Variants in VSTM2A observed in about 807,000 individuals in gnomAD.
The protein encoded by VSTM2A is V-set and transmembrane domain-containing protein 2A.
Under a neutral mutation model 27.3 loss-of-function variants are expected in VSTM2A, and 13 were observed. That is an observed-to-expected ratio of 0.48 (90% CI 0.31 to 0.76). The LOEUF (loss-of-function observed/expected upper bound fraction) is 0.76, where lower values mean the gene tolerates loss of function less well. Ranked by LOEUF, VSTM2A falls within the 30% of genes least tolerant of loss-of-function variation. The probability of loss-of-function intolerance (pLI) is 0.05; values close to 1 mark genes in which losing one functional copy is unlikely to be tolerated. For missense variants in VSTM2A, 280 were observed against 310.0 expected (o/e 0.90, Z 0.73); for synonymous variants, 142 against 125.7 (o/e 1.13, Z -0.87).
intron 4 of VSTM2A, among the ~76,000 whole-genome samples, chr7:54,562,900 T>C (rs373439252): frequency 6.6e-6 from 1 of 152,218 alleles, no homozygotes; most frequent in African/African-American, 2.4e-5. Flanking sequence ...TGCTAACGAA[T>C]AATGAAAGCA....
In VSTM2A at chr7:54,569,460, G is replaced by A; in HGVS notation, c.*241G>A. On this transcript the variant is annotated 3_prime_UTR_variant, in exon 5 of 5. Transcript: ENST00000402613. ...CATCAGGATAGGGAATATTTACTAT[G>A]GATACCACTAATTTCCTACTAAAGG... The A allele has an allele frequency of 3.5e-6, 2 of 574,960 alleles. No homozygotes were observed. Among genetic ancestry groups the A allele is most frequent in the Non-Finnish European group, 5.8e-6 (2 of 345,108 alleles). 35.6% of individuals were successfully genotyped at this position (574,960 alleles called of 1,614,324 possible). A position where few individuals can be genotyped will look rare whatever the true frequency, so the allele number is the denominator to read the frequency against.
chr7:54,554,019 C>T (rs749286368), intron 4 of VSTM2A: 1 of 1,553,318 alleles, frequency 6.4e-7, no homozygotes, highest in South Asian at 1.2e-5. Context: ...TCCTCTTCCC[C>T]AACCTGGCCA....
rs144985425 is a variant in VSTM2A at position 54,548,522 on chromosome 7, C to T, written c.298-1312C>T. Reference sequence around the variant, plus strand: ...CCACATGCCAGTATTTTTAATAGCACCCCAGGTGATTCTAATGTACACTCA... The same window carrying T: ...CCACATGCCAGTATTTTTAATAGCATCCCAGGTGATTCTAATGTACACTCA... On this transcript the variant is annotated intron_variant, in intron 3 of 4. Transcript: ENST00000402613. 1.4e-3 allele frequency among the ~76,000 whole-genome samples: 218 copies of T among 151,836 alleles called. 1 individual carries two copies. The highest frequency in any genetic ancestry group is 5.0e-3 in the African/African-American group (206 of 41,168).
chr7:54,553,554 G>A (rs557801005), intron 4 of VSTM2A, among the ~76,000 whole-genome samples: 1 of 152,324 alleles, frequency 6.6e-6, no homozygotes, highest in East Asian at 1.9e-4. Flanking sequence ...GTTAGAAGCA[G>A]AAGAAATGTT....
rs372073688 is a variant in VSTM2A at position 54,569,348 on chromosome 7, C to T, written c.*129C>T. 6.3e-6 allele frequency: 9 copies of T among 1,437,956 alleles called. No individual in the cohort carries two copies. Among genetic ancestry groups the T allele is most frequent in the Non-Finnish European group, 8.3e-6 (9 of 1,079,054 alleles). The allele number at this position is 1,437,956 out of a possible 1,614,324, so 89.1% of individuals were successfully genotyped here. On this transcript the variant is annotated 3_prime_UTR_variant, in exon 5 of 5. Coordinates refer to ENST00000402613, the MANE Select transcript of VSTM2A (RefSeq NM_001301009.2). ...AGAGAATTAACGTGAAGTGATAGAA[C>T]GTTTTCTAATAGCAAGATCTATTTT...
rs1310985436 is a variant in VSTM2A at position 54,569,162 on chromosome 7, G to A, written c.666G>A (p.Glu222=). 1.3e-6 allele frequency: 2 copies of A among 1,553,026 alleles called. No individual in the cohort carries two copies. ...AKSKSPVKST[E]RTAKLTLNSK... ...GCAAATCGCCTGTAAAATCTACGGA[G>A]CGGACAGCAAAGTTGACCCTAAACT... Residue 222 remains glutamate (E), a synonymous_variant, in exon 5 of 5, where the codon GAG becomes GAA. Transcript: ENST00000402613.
intron 4 of VSTM2A, among the ~76,000 whole-genome samples, chr7:54,565,677 G>A (rs1345510449): frequency 6.6e-6 from 1 of 152,268 alleles, no homozygotes; most frequent in Non-Finnish European, 1.5e-5. Context: ...CAGTCCACTG[G>A]AGGGAGGGGC....
chr7:54,542,668 C>A lies in VSTM2A; in HGVS notation c.-63C>A. On this transcript the variant is annotated 5_prime_UTR_variant, in exon 1 of 5. Transcript: ENST00000402613. ...AGACTGAGCCTGCCATCCACTCGCA[C>A]GCCTTTCTTTCAGGGCTTTTCGGCT... 3.4e-6 allele frequency: 5 copies of A among 1,478,560 alleles called. No homozygotes were observed. Among genetic ancestry groups the A allele is most frequent in the East Asian group, 2.3e-5 (1 of 44,220 alleles). 91.6% of individuals were successfully genotyped at this position (1,478,560 alleles called of 1,614,324 possible).
intron 4 of VSTM2A, among the ~76,000 whole-genome samples, chr7:54,562,742 T>C (rs1236518192): frequency 1.3e-5 from 2 of 152,166 alleles, no homozygotes; most frequent in African/African-American, 4.8e-5. Context: ...ATTCCCCAAC[T>C]TCAATACACT....
At chr7:54,556,222 A>G (rs1417171502) in intron 4 of VSTM2A, among the ~76,000 whole-genome samples, 2 of 152,224 alleles carry the variant, frequency 1.3e-5, no homozygotes, top group South Asian at 4.1e-4. Flanking sequence ...AACTGGCTGC[A>G]GTGAAGGTGG....
At chr7:54,559,944 GAAA>G (rs557080144) in intron 4 of VSTM2A, 1 of 151,686 alleles carries the variant, frequency 6.6e-6, no homozygotes, top group Non-Finnish European at 1.5e-5. Context: ...AAAAATAAAA[GAAA>G]AAAAGAAAAT....
rs1475840904 is a variant in VSTM2A at position 54,544,796 on chromosome 7, A to G, written c.246+8A>G. ...GAGGGGGCCGGCGCGCAGGTAGCGGAGCCCGCCGACCCCGCGTCTCCCCTT... is the reference window on the plus strand; with the variant it reads ...GAGGGGGCCGGCGCGCAGGTAGCGGGGCCCGCCGACCCCGCGTCTCCCCTT... On this transcript the variant is annotated splice_region_variant and intron_variant, in intron 2 of 4. Coordinates refer to ENST00000402613, the MANE Select transcript of VSTM2A (RefSeq NM_001301009.2). The G allele has an allele frequency of 6.3e-7, 1 of 1,591,650 alleles. No homozygotes were observed. The highest frequency in any genetic ancestry group is 8.6e-7 in the Non-Finnish European group (1 of 1,169,440).
At chr7:54,546,870 G>A (rs983290261) in intron 2 of VSTM2A, 77 bp from the exon 3 acceptor site, 3 of 1,576,296 alleles carry the variant, frequency 1.9e-6, no homozygotes, top group South Asian at 1.1e-5. Context: ...GCCCGGAGCC[G>A]CGAAGGCTAT....
Position 54,542,722 on chromosome 7 carries a change from C to A in VSTM2A, c.-9C>A. The A allele has an allele frequency of 6.2e-7, 1 of 1,613,446 alleles. No homozygotes were observed. Among genetic ancestry groups the A allele is most frequent in the Non-Finnish European group, 8.5e-7 (1 of 1,179,504 alleles). Reference sequence around the variant, plus strand: ...GGCTACACTGATGTGACCCCCCTCCCTTTTTGGAATGATGGGGATCTTTTT... The same window carrying A: ...GGCTACACTGATGTGACCCCCCTCCATTTTTGGAATGATGGGGATCTTTTT... On this transcript the variant is annotated 5_prime_UTR_variant, in exon 1 of 5. Transcript: ENST00000402613.
At position 54,571,029 on chromosome 7, in the gene VSTM2A, G is replaced by A. The variant is rs1222224840; in HGVS notation, c.*1810G>A. ...CTCATTCATTTGGTTTATCATTTCA[G>A]TTTAATGAGAAAAATTAATAAAGGT... On this transcript the variant is annotated 3_prime_UTR_variant, in exon 5 of 5. Coordinates refer to ENST00000402613, the MANE Select transcript of VSTM2A (RefSeq NM_001301009.2). The A allele has an allele frequency of 6.6e-6, 1 of 152,066 alleles. No individual in the cohort carries two copies. Among genetic ancestry groups the A allele is most frequent in the African/African-American group, 2.4e-5 (1 of 41,406 alleles). 9.4% of individuals were successfully genotyped at this position (152,066 alleles called of 1,614,324 possible).
intron 4 of VSTM2A, chr7:54,553,972 T>C (rs1216215310): frequency 3.0e-5 from 47 of 1,552,626 alleles, no homozygotes; most frequent in Middle Eastern, 1.7e-4. Context: ...CTTCCCACCT[T>C]CCCAACGTCA....
intron 4 of VSTM2A, chr7:54,554,026 G>A (rs1210156142): frequency 1.3e-6 from 2 of 1,552,978 alleles, no homozygotes; most frequent in South Asian, 1.2e-5. Context: ...CCCCAACCTG[G>A]CCATGGATCA....
chr7:54,547,596 A>G (rs926228001), intron 3 of VSTM2A, among the ~76,000 whole-genome samples: 1 of 152,170 alleles, frequency 6.6e-6, no homozygotes, highest in Non-Finnish European at 1.5e-5. Context: ...ACTTTTAATA[A>G]GTGTGTGTAA....
intron 4 of VSTM2A, chr7:54,552,462 A>G (rs1460175689): frequency 6.6e-6 from 1 of 152,164 alleles, no homozygotes; most frequent in Admixed American, 6.5e-5. Flanking sequence ...TCACTGTAAT[A>G]CCCACATCCT....
Sources: allele counts gnomAD v4.1 joint callset (sites outside exome capture counted in the v4.1 genomes callset), GRCh38; gene constraint gnomAD v4.1.1; transcripts MANE v1.5; gene names NCBI Gene and HGNC (gene_info 2026-07-23, HGNC 2026-07-21).